FBXL7: variants seen among roughly 807,000 people sequenced by gnomAD.
FBXL7 encodes F-box and leucine rich repeat protein 7, also known as F-box/LRR-repeat protein 7.
A neutral mutation model predicts 38.3 loss-of-function variants in FBXL7; 12 were observed. That is an observed-to-expected ratio of 0.31 (90% confidence interval 0.20 to 0.51). The LOEUF (loss-of-function observed/expected upper bound fraction) is 0.51, where lower values mean the gene tolerates loss of function less well. Ranked by LOEUF, FBXL7 falls within the 20% of genes least tolerant of loss-of-function variation. The probability of loss-of-function intolerance (pLI) is 0.98; values close to 1 mark genes in which losing one functional copy is unlikely to be tolerated. For missense variants in FBXL7, 567 were observed against 676.4 expected, an observed-to-expected ratio of 0.84 and a Z score of 1.79; for synonymous variants, 297 against 300.9, an observed-to-expected ratio of 0.99 and a Z score of 0.13.
chr5:15,905,526 T>G (rs903415203), intron 2 of FBXL7, among the ~76,000 whole-genome samples: 1 of 140,904 alleles, frequency 7.1e-6, no homozygotes, highest in Non-Finnish European at 1.6e-5. Context: ...AATGGTGTTG[T>G]TTTTTTTTTT....
chr5:15,912,736 A>G (rs1741470985), intron 2 of FBXL7, among the ~76,000 whole-genome samples: 1 of 152,106 alleles, frequency 6.6e-6, no homozygotes, highest in Non-Finnish European at 1.5e-5. Context: ...ACTCCACCAT[A>G]AAAGTCCTGC....
intron 2 of FBXL7, among the ~76,000 whole-genome samples, chr5:15,679,096 A>T (rs1158670994): frequency 1.3e-5 from 2 of 152,186 alleles, no homozygotes; most frequent in African/African-American, 2.4e-5. Flanking sequence ...TTCAATTTTG[A>T]TGATCACCTG....
intron 2 of FBXL7, among the ~76,000 whole-genome samples, chr5:15,696,251 A>T (rs1466244906): frequency 6.6e-6 from 1 of 150,866 alleles, no homozygotes; most frequent in Non-Finnish European, 1.5e-5. Context: ...CCAGAAATTA[A>T]GTAAATACCA....
intron 2 of FBXL7, among the ~76,000 whole-genome samples, chr5:15,741,615 A>G (rs1223888727): frequency 1.3e-5 from 2 of 152,212 alleles, no homozygotes; most frequent in African/African-American, 2.4e-5. Flanking sequence ...GTTAAAAATT[A>G]CAAATCTTTA....
intron 1 of FBXL7, among the ~76,000 whole-genome samples, chr5:15,523,524 G>A (rs633807): frequency 0.086 from 12,968 of 151,484 alleles, 1,677 homozygotes; most frequent in African/African-American, 0.28. Context: ...GCACCACTGC[G>A]CTCCAGCCTG....
At chr5:15,660,450 A>G (rs1335583381) in intron 2 of FBXL7, among the ~76,000 whole-genome samples, 1 of 152,094 alleles carries the variant, frequency 6.6e-6, no homozygotes, top group African/African-American at 2.4e-5. Context: ...TTCACCTCCT[A>G]GGTTCAAGTG....
intron 1 of FBXL7, among the ~76,000 whole-genome samples, chr5:15,601,808 G>T (rs1457085442): frequency 6.6e-6 from 1 of 152,192 alleles, no homozygotes; most frequent in Admixed American, 6.5e-5. Flanking sequence ...TAATGTTGGA[G>T]TATCTGCTGG....
intron 1 of FBXL7, among the ~76,000 whole-genome samples, chr5:15,510,624 G>A (rs1736768643): frequency 6.6e-6 from 1 of 152,142 alleles, no homozygotes; most frequent in Admixed American, 6.5e-5. Context: ...GGGAATTAGA[G>A]CATCAATTGC....
At chr5:15,736,906 A>G (rs1735772580) in intron 2 of FBXL7, among the ~76,000 whole-genome samples, 1 of 152,158 alleles carries the variant, frequency 6.6e-6, no homozygotes. Flanking sequence ...GAATTATCAT[A>G]ATATCTGACG....
At chr5:15,763,633 A>C (rs1445595853) in intron 2 of FBXL7, among the ~76,000 whole-genome samples, 1 of 152,194 alleles carries the variant, frequency 6.6e-6, no homozygotes, top group Non-Finnish European at 1.5e-5. Context: ...TCTACATCAG[A>C]GCATTATTTT....
chr5:15,849,320 G>A (rs2126792194), intron 2 of FBXL7, among the ~76,000 whole-genome samples: 1 of 152,306 alleles, frequency 6.6e-6, no homozygotes, highest in South Asian at 2.1e-4. Context: ...TAGTCATTTG[G>A]TGAATGGATG....
intron 2 of FBXL7, among the ~76,000 whole-genome samples, chr5:15,617,641 G>T (rs1239911232): frequency 6.6e-6 from 1 of 152,136 alleles, no homozygotes; most frequent in South Asian, 2.1e-4. Context: ...GTTTTACCAT[G>T]TTGGCCAGGC....
At chr5:15,584,827 C>T (rs1231983507) in intron 1 of FBXL7, among the ~76,000 whole-genome samples, 1 of 152,190 alleles carries the variant, frequency 6.6e-6, no homozygotes, top group African/African-American at 2.4e-5. Context: ...TCAATTGACT[C>T]ACACTTCGGT....
chr5:15,613,253 G>C lies in FBXL7; in HGVS notation c.38-2730G>C, dbSNP rs941440507. The stretch of plus-strand genomic sequence containing the variant: ...CCAGAAATTTCCCCTACCAGATACA[G>C]ACACTAGGCCTGCAGAGTGAGAAGT... On this transcript the variant is annotated intron_variant, in intron 1 of 3. Coordinates refer to ENST00000504595, the MANE Select transcript of FBXL7 (RefSeq NM_012304.5). Among the ~76,000 whole-genome samples, 6 of 152,258 alleles carry C rather than the reference G, an allele frequency of 3.9e-5. No individual in the cohort carries two copies. In the East Asian group the frequency reaches 1.2e-3, roughly 29 times the overall value.
intron 2 of FBXL7, among the ~76,000 whole-genome samples, chr5:15,878,114 T>C (rs1368286809): frequency 6.6e-6 from 1 of 152,170 alleles, no homozygotes; most frequent in Non-Finnish European, 1.5e-5. Flanking sequence ...GAAAAGGCTA[T>C]GTAAATCCTT....
intron 1 of FBXL7, among the ~76,000 whole-genome samples, chr5:15,518,499 G>A (rs558645322): frequency 5.3e-5 from 8 of 152,306 alleles, no homozygotes; most frequent in Non-Finnish European, 7.4e-5. Flanking sequence ...GCAGGAGAAC[G>A]TTTGAATTGT....
chr5:15,869,637 G>A (rs367744710), intron 2 of FBXL7, among the ~76,000 whole-genome samples: 4 of 152,028 alleles, frequency 2.6e-5, no homozygotes, highest in Admixed American at 6.6e-5. Flanking sequence ...TATATGTTTT[G>A]TTCGCCGCTG....
intron 1 of FBXL7, among the ~76,000 whole-genome samples, chr5:15,598,956 T>G (rs1034755620): frequency 9.2e-5 from 14 of 152,216 alleles, no homozygotes; most frequent in Non-Finnish European, 2.1e-4. Context: ...TTCAGTGTAC[T>G]CTCGTAGCTC....
rs529698674 is a variant in FBXL7, at chr5:15,768,064, A to G, written c.127+151992A>G. 2.5e-4 allele frequency among the ~76,000 whole-genome samples: 38 copies of G among 152,362 alleles called. No individual in the cohort carries two copies. In the South Asian group the frequency reaches 7.7e-3, roughly 31 times the overall value. ...AATAGATCTCACTGCTTTGGTTAAC[A>G]AGTCCACAGTTTAGTGTCAGCAGCA... On this transcript the variant is annotated intron_variant, in intron 2 of 3. Transcript: ENST00000504595.
Sources: allele counts gnomAD v4.1 joint callset (sites outside exome capture counted in the v4.1 genomes callset), GRCh38; gene constraint gnomAD v4.1.1; transcripts MANE v1.5; gene names NCBI Gene and HGNC (gene_info 2026-07-23, HGNC 2026-07-21).